Variants in MRPS6 observed in about 807,000 individuals in gnomAD.
MRPS6 encodes the protein small ribosomal subunit protein bS6m.
In MRPS6, 6 loss-of-function variants were observed where a neutral mutation model predicts 13.1. That is an observed-to-expected ratio of 0.46 (90% CI 0.25 to 0.91). The LOEUF is 0.91. Ranked by LOEUF, MRPS6 falls within the 40% of genes least tolerant of loss-of-function variation. The pLI is 0.18. For missense variants in MRPS6, 164 were observed against 155.6 expected (o/e 1.05, Z -0.29); for synonymous variants, 61 against 56.5 (o/e 1.08, Z -0.36).
At chr21:34,087,876 C>A (rs183236847) in intron 1 of MRPS6, among the ~76,000 whole-genome samples, 15 of 152,262 alleles carry the variant, frequency 9.9e-5, no homozygotes, top group Non-Finnish European at 2.1e-4. Context: ...TTTTAAGTAT[C>A]GCCAACAGGC....
At chr21:34,125,281 A>G in intron 1 of MRPS6, 60 bp from the exon 2 acceptor site, 8 of 1,588,182 alleles carry the variant, frequency 5.0e-6, no homozygotes, top group Non-Finnish European at 6.8e-6. Context: ...TAATCATTCT[A>G]GCTCTTATAT....
At position 34,142,547 on chromosome 21, in the gene MRPS6, G is replaced by A. The variant is rs767728208; in HGVS notation, c.325G>A (p.Val109Ile). Residue 109 changes from valine (V) to isoleucine (I), a missense_variant, in exon 3 of 3, where the codon GTC becomes ATC. By Grantham distance (29) the Val-to-Ile change is conservative (BLOSUM62 3). Coordinates refer to ENST00000399312, the MANE Select transcript of MRPS6 (RefSeq NM_032476.4). ...GGAACTAAAAGAATGTGAAGGGATTGTCCCAGTCCCACTCGCAGAAAAATT... is the reference window on the plus strand; with the variant it reads ...GGAACTAAAAGAATGTGAAGGGATTATCCCAGTCCCACTCGCAGAAAAATT... ...TQELKECEGI[V>I]PVPLAEKLYS... is the part of the protein sequence containing the mutation. The A allele has an allele frequency of 1.2e-6, 2 of 1,611,064 alleles. No homozygotes were observed. Among genetic ancestry groups the A allele is most frequent in the East Asian group, 2.2e-5 (1 of 44,842 alleles).
intron 1 of MRPS6, among the ~76,000 whole-genome samples, chr21:34,076,008 C>T (rs145766996): frequency 2.3e-3 from 352 of 152,304 alleles, no homozygotes; most frequent in African/African-American, 7.4e-3. Flanking sequence ...TTCAAAGTTG[C>T]GTATCTTCCA....
Position 34,142,639 on chromosome 21 carries a change from C to T in MRPS6, c.*39C>T. 4 of 1,530,810 alleles carry T rather than the reference C, an allele frequency of 2.6e-6. No individual in the cohort carries two copies. The highest frequency in any genetic ancestry group is 1.3e-5 in the South Asian group (1 of 75,660). The allele number at this position is 1,530,810 out of a possible 1,614,324, so 94.8% of individuals were successfully genotyped here. ...ATTTTAGCCTTATATGTAATTCCTT[C>T]ACATTTGGGCAGCATGGACGAGAAG... On this transcript the variant is annotated 3_prime_UTR_variant, in exon 3 of 3. Coordinates refer to ENST00000399312, the MANE Select transcript of MRPS6 (RefSeq NM_032476.4).
At chr21:34,132,891 A>G (rs1177080246) in intron 2 of MRPS6, among the ~76,000 whole-genome samples, 1 of 152,190 alleles carries the variant, frequency 6.6e-6, no homozygotes, top group Non-Finnish European at 1.5e-5. Flanking sequence ...TGACCACTTC[A>G]TAGCTGAGTG....
intron 1 of MRPS6, chr21:34,104,185 C>G (rs980348622): frequency 3.0e-6 from 3 of 999,840 alleles, no homozygotes; most frequent in Non-Finnish European, 3.6e-6. Flanking sequence ...TCTGAGTGTT[C>G]TGAGCATCAG....
chr21:34,141,031 ACACAAAATG>A (rs1484229964), intron 2 of MRPS6, among the ~76,000 whole-genome samples: 6 of 152,230 alleles, frequency 3.9e-5, no homozygotes, highest in African/African-American at 1.4e-4. Flanking sequence ...GTCTGGAATT[ACACAAAATG>A]CCATCCCTTT....
At chr21:34,129,328 C>A (rs1052544015) in intron 2 of MRPS6, among the ~76,000 whole-genome samples, 2 of 152,030 alleles carry the variant, frequency 1.3e-5, no homozygotes, top group South Asian at 2.1e-4. Context: ...ACAAAAAGTG[C>A]GGTCGTATTT....
chr21:34,077,339 CTG>C (rs1327854374), intron 1 of MRPS6, among the ~76,000 whole-genome samples: 1 of 152,194 alleles, frequency 6.6e-6, no homozygotes, highest in Admixed American at 6.5e-5. Context: ...GGAAAGAAAT[CTG>C]TGCAATACAT....
chr21:34,073,614 T>A lies in MRPS6; in HGVS notation c.-87T>A. 1 of 1,217,126 alleles carries A rather than the reference T, an allele frequency of 8.2e-7. No individual in the cohort carries two copies. Among genetic ancestry groups the A allele is most frequent in the Non-Finnish European group, 1.1e-6 (1 of 874,320 alleles). 75.4% of individuals were successfully genotyped at this position (1,217,126 alleles called of 1,614,324 possible). On this transcript the variant is annotated 5_prime_UTR_variant, in exon 1 of 3. Transcript: ENST00000399312. ...CTGGGAGCCGTCCGGCGCAGCAGTT[T>A]CTAGGTCCCCACTGTCCCCGCCGTC...
At chr21:34,085,957 A>T (rs1329165016) in intron 1 of MRPS6, among the ~76,000 whole-genome samples, 1 of 152,174 alleles carries the variant, frequency 6.6e-6, no homozygotes, top group Non-Finnish European at 1.5e-5. Flanking sequence ...ACAATTCCTT[A>T]ACACCTCATG....
chr21:34,095,510 A>G (rs374636407), intron 1 of MRPS6: 130 of 1,613,878 alleles, frequency 8.1e-5, no homozygotes, highest in Admixed American at 1.2e-4. Flanking sequence ...ACATCCGGTC[A>G]GGGGTATATA....
chr21:34,137,407 A>C (rs781684026), intron 2 of MRPS6, among the ~76,000 whole-genome samples: 1 of 152,216 alleles, frequency 6.6e-6, no homozygotes, highest in Non-Finnish European at 1.5e-5. Context: ...GTTTAATTCA[A>C]GGTCTGATTA....
chr21:34,142,038 A>T (rs925278702), intron 2 of MRPS6, among the ~76,000 whole-genome samples: 2 of 152,262 alleles, frequency 1.3e-5, no homozygotes, highest in African/African-American at 4.8e-5. Context: ...ACACACACAC[A>T]CAACATTAAT....
chr21:34,083,214 C>A (rs541502118), intron 1 of MRPS6, among the ~76,000 whole-genome samples: 9 of 152,242 alleles, frequency 5.9e-5, no homozygotes, highest in Admixed American at 5.9e-4. Context: ...TGAGAAAATT[C>A]TCATTGTGGT....
intron 1 of MRPS6, chr21:34,104,770 T>C (rs372806511): frequency 1.0e-5 from 10 of 999,478 alleles, no homozygotes; most frequent in Middle Eastern, 5.2e-4. Context: ...TAGCAACATG[T>C]GATAATGCAA....
At chr21:34,103,126 A>G in intron 1 of MRPS6, 1 of 1,000,166 alleles carries the variant, frequency 1.0e-6, no homozygotes, top group Non-Finnish European at 1.2e-6. Flanking sequence ...TTGCTATTGC[A>G]GAAATCCCAA....
chr21:34,100,974 T>G, intron 1 of MRPS6: 1 of 1,000,060 alleles, frequency 1.0e-6, no homozygotes. Flanking sequence ...CTGGCTCATT[T>G]TCATCAGAGG....
chr21:34,115,709 C>T (rs1008335023), intron 1 of MRPS6, among the ~76,000 whole-genome samples: 2 of 151,864 alleles, frequency 1.3e-5, no homozygotes, highest in Admixed American at 6.6e-5. Context: ...GGCAAGATAG[C>T]GGTTGGGATA....
Sources: gnomAD v4.1 joint callset for allele counts (sites outside exome capture counted in the v4.1 genomes callset) on GRCh38, gnomAD v4.1.1 for gene constraint, MANE v1.5 for transcripts, NCBI Gene and HGNC (gene_info 2026-07-23, HGNC 2026-07-21) for gene names.